The following NALF1 variants were observed in gnomAD, a reference collection of about 807,000 sequenced individuals.
The protein encoded by NALF1 is family with sequence similarity 155 member A.
Under a neutral mutation model 48.4 loss-of-function variants are expected in NALF1, and 3 were observed. The ratio of observed to expected loss-of-function variants is 0.06; its 90% CI spans 0.03 to 0.16. The LOEUF is 0.16. NALF1 is among the 10% of genes least tolerant of loss of function. The pLI is 1.00. For synonymous variants in NALF1, 262 were observed against 245.7 expected (o/e 1.07, Z -0.62); for missense variants, 526 against 571.5 (o/e 0.92, Z 0.81).
chr13:107,437,828 C>T (rs1045148475), intron 1 of NALF1, among the ~76,000 whole-genome samples: 2 of 152,022 alleles, frequency 1.3e-5, no homozygotes, highest in African/African-American at 4.8e-5. Context: ...ATTTGTGCAC[C>T]ACTTCATTTA....
At chr13:107,335,538 T>C (rs944866695) in intron 1 of NALF1, among the ~76,000 whole-genome samples, 3 of 152,236 alleles carry the variant, frequency 2.0e-5, no homozygotes, top group Non-Finnish European at 2.9e-5. Context: ...TTTCCACCAC[T>C]TTAAAAGTAA....
At position 107,483,229 on chromosome 13, in the gene NALF1, A is replaced by G. The variant is rs368211412; in HGVS notation, c.916-272474T>C. Among the ~76,000 whole-genome samples the G allele has an allele frequency of 1.5e-4, 23 of 152,290 alleles. No individual in the cohort carries two copies. The East Asian group carries it at 2.7e-3, about 18-fold the overall frequency. ...GTATGACCAGCAAAATGAATGCTTT[A>G]AGCTAAGCTAGGTAAAGTGCATATA... On this transcript the variant is annotated intron_variant, in intron 1 of 2. Coordinates refer to ENST00000375915, the MANE Select transcript of NALF1 (RefSeq NM_001080396.3).
Position 107,170,888 on chromosome 13 carries a change from G to C in NALF1, c.1088-102C>G, listed in dbSNP as rs1180892120. The C allele has an allele frequency of 7.7e-6, 8 of 1,045,282 alleles. No individual in the cohort carries two copies. In the Admixed American group the frequency reaches 1.1e-4, roughly 15 times the overall value. 64.8% of individuals were successfully genotyped at this position (1,045,282 alleles called of 1,614,324 possible). On this transcript the variant is annotated intron_variant, in intron 2 of 2. Transcript: ENST00000375915. ...ACATTCTAACCCACAAAATCTTACA[G>C]GCAATTAGACATTTATTTAAAGGAA...
intron 1 of NALF1, among the ~76,000 whole-genome samples, chr13:107,783,742 C>T (rs1877992677): frequency 6.6e-6 from 1 of 151,778 alleles, no homozygotes. Context: ...GCCGCAGGGT[C>T]CTCTGCCTAG....
intron 1 of NALF1, among the ~76,000 whole-genome samples, chr13:107,216,420 C>G (rs1879874642): frequency 6.6e-6 from 1 of 152,180 alleles, no homozygotes; most frequent in African/African-American, 2.4e-5. Flanking sequence ...GAAAGGGAAA[C>G]AAGAAAGGCC....
chr13:107,265,617 G>A (rs577481217), intron 1 of NALF1, among the ~76,000 whole-genome samples: 9 of 152,130 alleles, frequency 5.9e-5, no homozygotes, highest in African/African-American at 2.2e-4. Flanking sequence ...TGTTGGCCAA[G>A]CTGGTCACAA....
At chr13:107,583,261 G>T (rs1878363865) in intron 1 of NALF1, among the ~76,000 whole-genome samples, 1 of 151,978 alleles carries the variant, frequency 6.6e-6, no homozygotes, top group Non-Finnish European at 1.5e-5. Flanking sequence ...CAATGCATAT[G>T]TATTTTTGCA....
chr13:107,446,840 C>T (rs1453125692), intron 1 of NALF1, among the ~76,000 whole-genome samples: 1 of 152,170 alleles, frequency 6.6e-6, no homozygotes, highest in East Asian at 1.9e-4. Context: ...CAGAGTAAGT[C>T]ATTTGTGCTG....
intron 1 of NALF1, among the ~76,000 whole-genome samples, chr13:107,704,380 T>C (rs1031530536): frequency 6.6e-6 from 1 of 152,248 alleles, no homozygotes; most frequent in Non-Finnish European, 1.5e-5. Flanking sequence ...TTATTTTCTC[T>C]CATTCACCAA....
At chr13:107,744,223 G>A (rs1876716463) in intron 1 of NALF1, among the ~76,000 whole-genome samples, 1 of 152,180 alleles carries the variant, frequency 6.6e-6, no homozygotes, top group African/African-American at 2.4e-5. Flanking sequence ...TAAGCCCTCT[G>A]AGACGCAAGA....
At chr13:107,441,146 A>G (rs1439303019) in intron 1 of NALF1, among the ~76,000 whole-genome samples, 1 of 152,228 alleles carries the variant, frequency 6.6e-6, no homozygotes, top group Non-Finnish European at 1.5e-5. Flanking sequence ...GACTGACTCT[A>G]TCTCTTGCCC....
intron 1 of NALF1, among the ~76,000 whole-genome samples, chr13:107,512,067 T>C (rs953767814): frequency 6.6e-6 from 1 of 152,232 alleles, no homozygotes; most frequent in Non-Finnish European, 1.5e-5. Flanking sequence ...ATCTGAAGCA[T>C]ACATTGCACT....
At chr13:107,748,823 A>C (rs1876852643) in intron 1 of NALF1, among the ~76,000 whole-genome samples, 1 of 152,300 alleles carries the variant, frequency 6.6e-6, no homozygotes, top group African/African-American at 2.4e-5. Context: ...ACAAAGGATG[A>C]GTCTGAAAAT....
At chr13:107,729,893 T>C (rs1393129474) in intron 1 of NALF1, among the ~76,000 whole-genome samples, 4 of 152,242 alleles carry the variant, frequency 2.6e-5, no homozygotes, top group East Asian at 3.8e-4. Context: ...TTGATAGATA[T>C]ATGCCTAGAA....
chr13:107,554,090 T>G (rs1473328282), intron 1 of NALF1, among the ~76,000 whole-genome samples: 2 of 152,124 alleles, frequency 1.3e-5, no homozygotes, highest in African/African-American at 4.8e-5. Context: ...TGCAGCTGTA[T>G]GGGTAAGTGG....
chr13:107,637,257 A>G (rs987834105), intron 1 of NALF1, among the ~76,000 whole-genome samples: 1 of 151,840 alleles, frequency 6.6e-6, no homozygotes, highest in Non-Finnish European at 1.5e-5. Context: ...GTGTGTGTAT[A>G]TATATATATA....
intron 1 of NALF1, among the ~76,000 whole-genome samples, chr13:107,212,468 C>T (rs772365115): frequency 2.6e-5 from 4 of 152,120 alleles, no homozygotes; most frequent in Non-Finnish European, 5.9e-5. Flanking sequence ...AACTGGGAAA[C>T]GGAGGTGGGC....
intron 1 of NALF1, among the ~76,000 whole-genome samples, chr13:107,758,092 T>A (rs898355039): frequency 6.6e-6 from 1 of 152,244 alleles, no homozygotes; most frequent in East Asian, 1.9e-4. Flanking sequence ...AAAAGTAACA[T>A]CAAAATATAT....
In NALF1 at chr13:107,815,752, G is replaced by A. The variant is rs537783355; in HGVS notation, c.915+49930C>T. On this transcript the variant is annotated intron_variant, in intron 1 of 2. Coordinates refer to ENST00000375915, the MANE Select transcript of NALF1 (RefSeq NM_001080396.3). ...GAACAACCCCAATGTCCATCAACTG[G>A]TGAATGGATAAAAAATATGTGGCAT... Among the ~76,000 whole-genome samples the A allele has an allele frequency of 3.9e-5, 6 of 152,216 alleles. 1 individual carries two copies. Among genetic ancestry groups the A allele is most frequent in the Admixed American group, 6.5e-5 (1 of 15,290 alleles).
Sources: gnomAD v4.1 joint callset for allele counts (sites outside exome capture counted in the v4.1 genomes callset) on GRCh38, gnomAD v4.1.1 for gene constraint, MANE v1.5 for transcripts, NCBI Gene and HGNC (gene_info 2026-07-23, HGNC 2026-07-21) for gene names.